TSPAN10: variants seen among roughly 807,000 people sequenced by gnomAD.
TSPAN10 encodes tetraspanin-10.
In TSPAN10, 11 loss-of-function variants were observed where a neutral mutation model predicts 15.0. That is an observed-to-expected ratio of 0.73 (90% CI 0.46 to 1.21). The LOEUF (loss-of-function observed/expected upper bound fraction) is 1.21. Among genes scored for constraint, TSPAN10 ranks in the 50% most tolerant of loss-of-function variants. The probability of loss-of-function intolerance (pLI) is 0.00; values close to 1 mark genes in which losing one functional copy is unlikely to be tolerated. For synonymous variants in TSPAN10, 241 were observed against 226.2 expected, an observed-to-expected ratio of 1.07 and a Z score of -0.59; for missense variants, 486 against 470.6, an observed-to-expected ratio of 1.03 and a Z score of -0.30.
chr17:81,642,264 C>T (rs749445103), upstream of TSPAN10: 25 of 782,936 alleles, frequency 3.2e-5, no homozygotes, highest in Admixed American at 2.1e-4. Context: ...GGGTAGGGCT[C>T]GCACCTCCCC....
In TSPAN10 at chr17:81,642,453, G is replaced by A. The variant is rs1408563455; in HGVS notation, c.36+5G>A. On this transcript the variant is annotated splice_donor_5th_base_variant and intron_variant, in intron 1 of 2. Transcript: ENST00000611590. ...AGGAGCCCCTTACTGTCCCAGGTGAGCCATGCCAAGTGGCCTTGCCCTGAG... is the reference window on the plus strand; with the variant it reads ...AGGAGCCCCTTACTGTCCCAGGTGAACCATGCCAAGTGGCCTTGCCCTGAG... 1 of 1,606,778 alleles carries A rather than the reference G, an allele frequency of 6.2e-7. No homozygotes were observed. Among genetic ancestry groups the A allele is most frequent in the South Asian group, 1.1e-5 (1 of 89,770 alleles).
At chr17:81,639,836 C>T (rs1366728380), upstream of TSPAN10, among the ~76,000 whole-genome samples, 2 of 151,896 alleles carry the variant, frequency 1.3e-5, no homozygotes, top group South Asian at 2.1e-4. Flanking sequence ...AAAAATTAGC[C>T]GGGCGTGGTG....
At chr17:81,643,015 ATAT>A (rs1477341411) in intron 1 of TSPAN10, among the ~76,000 whole-genome samples, 1 of 98,250 alleles carries the variant, frequency 1.0e-5, no homozygotes, top group Non-Finnish European at 2.0e-5. Context: ...ATATATATAT[ATAT>A]ATATTTAGAT....
At chr17:81,646,097 A>T (rs1274455220) in intron 2 of TSPAN10, 1 of 243,500 alleles carries the variant, frequency 4.1e-6, no homozygotes, top group East Asian at 1.7e-4. Context: ...ACAAACTTAG[A>T]AAGTCATTTT....
chr17:81,645,478 TG>T lies in TSPAN10; in HGVS notation c.527del (p.Gly176AlafsTer35), dbSNP rs571927375. Reference sequence around the variant, plus strand: ...GGCGGGGGCCCTGGTGGTGGCCCTCTGGGGCCCGCTGCAAGACAGCCTGGAG... The same window carrying T: ...GGCGGGGGCCCTGGTGGTGGCCCTCTGGGCCCGCTGCAAGACAGCCTGGAG... On this transcript the variant is annotated frameshift_variant, in exon 2 of 3. Transcript: ENST00000611590. LOFTEE classifies it high-confidence loss of function. 123 of 1,581,368 alleles carry T rather than the reference TG, an allele frequency of 7.8e-5. No individual in the cohort carries two copies. In the South Asian group the frequency reaches 1.3e-3, roughly 17 times the overall value.
chr17:81,645,977 G>C (rs1009311583), intron 2 of TSPAN10: 3 of 401,730 alleles, frequency 7.5e-6, no homozygotes, highest in Middle Eastern at 7.0e-4. Flanking sequence ...CTTGTTCTAT[G>C]GGCTCAGGGC....
At chr17:81,648,366 G>T (rs7406522), downstream of TSPAN10, 443,654 of 1,169,532 alleles carry the variant, frequency 0.38, 89,721 homozygotes, top group East Asian at 0.76. Flanking sequence ...TAAAAAGCGC[G>T]GCCTGCGCCG....
intron 2 of TSPAN10, chr17:81,647,700 A>C (rs1013115756): frequency 1.5e-6 from 1 of 650,912 alleles, no homozygotes. Context: ...ACTGCCGTGC[A>C]CAGGGATACG....
At chr17:81,647,378 G>A (rs759192932) in intron 2 of TSPAN10, 12 of 455,916 alleles carry the variant, frequency 2.6e-5, no homozygotes, top group Non-Finnish European at 4.4e-5. Context: ...GGGACTGCCT[G>A]ACCTGGGCTG....
At chr17:81,644,886 C>T (rs1260390456) in intron 1 of TSPAN10, 106 bp from the exon 3 acceptor site, 11 of 1,484,588 alleles carry the variant, frequency 7.4e-6, no homozygotes, top group African/African-American at 2.8e-5. Context: ...ATCCGGCATC[C>T]TCCCATCCCT....
At chr17:81,639,227 G>A (rs1293651412), upstream of TSPAN10, 1 of 16,586 alleles carries the variant, frequency 6.0e-5, no homozygotes, top group East Asian at 3.2e-3. Context: ...TTTTTTTTTT[G>A]AGTCGGATCT....
exon 3 of TSPAN10, chr17:81,647,946 C>T: frequency 6.2e-7 from 1 of 1,609,378 alleles, no homozygotes; most frequent in Non-Finnish European, 8.5e-7. Flanking sequence ...GCAGCCTTCC[C>T]GCCTCCTGCT....
chr17:81,648,325 C>G (rs1227488443), downstream of TSPAN10: 3 of 1,202,396 alleles, frequency 2.5e-6, no homozygotes, highest in Non-Finnish European at 3.1e-6. Flanking sequence ...GACCGCCACG[C>G]ACAGGGATAC....
At chr17:81,648,371 G>GCGC (rs953076064), downstream of TSPAN10, 46 of 1,159,008 alleles carry the variant, frequency 4.0e-5, no homozygotes, top group Middle Eastern at 3.5e-4. Context: ...AGCGCGGCCT[G>GCGC]CGCCGCCGCC....
chr17:81,645,300 C>T lies in TSPAN10; in HGVS notation c.345C>T (p.Pro115=), dbSNP rs764715820. The change falls in exon 2 of 3, where the codon CCC becomes CCT. Residue 115 remains proline, a synonymous_variant. Transcript: ENST00000611590. ...CTCTGGGAAGTGATCTGGGGGGGCC[C>T]CTGCCCGCAGACCCCATGCTGGGGC... 5.8e-6 allele frequency: 9 copies of T among 1,540,198 alleles called. No individual in the cohort carries two copies. The Middle Eastern group carries it at 5.2e-4, about 90-fold the overall frequency.
At chr17:81,647,846 G>C (rs963673070) in intron 2 of TSPAN10, 55 bp from the exon 4 acceptor site, 66 of 1,555,848 alleles carry the variant, frequency 4.2e-5, no homozygotes, top group Non-Finnish European at 4.8e-5. Flanking sequence ...TCTGTGCCTG[G>C]TCCCAGAAGA....
chr17:81,638,753 T>G (rs1306551060), upstream of TSPAN10: 1 of 152,208 alleles, frequency 6.6e-6, no homozygotes, highest in Non-Finnish European at 1.5e-5. Flanking sequence ...TGAGCCAGTT[T>G]ATCAATCTGG....
chr17:81,648,078 G>T, exon 3 of TSPAN10: 1 of 1,590,458 alleles, frequency 6.3e-7, no homozygotes, highest in South Asian at 1.1e-5. Flanking sequence ...CGCCGCTCCG[G>T]CGGTGGCTGC....
chr17:81,637,808 C>T (rs1306152627), upstream of TSPAN10: 1 of 157,918 alleles, frequency 6.3e-6, no homozygotes, highest in Non-Finnish European at 1.4e-5. Context: ...GTGGCGGGCA[C>T]CTGTAATCCC....
Sources: allele counts gnomAD v4.1 joint callset (sites outside exome capture counted in the v4.1 genomes callset), GRCh38; gene constraint gnomAD v4.1.1; transcripts MANE v1.5; gene names NCBI Gene and HGNC (gene_info 2026-07-23, HGNC 2026-07-21).